The following AGO1 variants were observed in gnomAD, a reference collection of about 807,000 sequenced individuals.
AGO1 encodes the protein protein argonaute-1.
Under a neutral mutation model 109.2 loss-of-function variants are expected in AGO1, and 11 were observed. That is an observed-to-expected ratio of 0.10 (90% CI 0.06 to 0.17). AGO1 has a LOEUF of 0.17. AGO1 is among the 10% of genes least tolerant of loss of function. The pLI, the probability that AGO1 is intolerant of heterozygous loss-of-function variation, is 1.00. For synonymous variants in AGO1, 422 were observed against 418.6 expected, an observed-to-expected ratio of 1.01 and a Z score of -0.10; for missense variants, 574 against 1,140.3, an observed-to-expected ratio of 0.50 and a Z score of 7.15.
rs1219399290 is a variant in AGO1, at chr1:35,922,399, A to C, written c.*2792A>C. ...AGATGGAGAAGTGGTGTTGGCAGCA[A>C]GCTTTGGCTCATGTGGATTTGGTTT... On this transcript the variant is annotated 3_prime_UTR_variant, in exon 19 of 19. Coordinates refer to ENST00000373204, the MANE Select transcript of AGO1 (RefSeq NM_012199.5). 1 of 152,236 alleles carries C rather than the reference A, an allele frequency of 6.6e-6. No homozygotes were observed. The highest frequency in any genetic ancestry group is 1.5e-5 in the Non-Finnish European group (1 of 68,052). 9.4% of individuals were successfully genotyped at this position (152,236 alleles called of 1,614,324 possible). A position where few individuals can be genotyped will look rare whatever the true frequency, so the allele number is the denominator to read the frequency against.
Position 35,920,864 on chromosome 1 carries a change from A to T in AGO1, c.*1257A>T, listed in dbSNP as rs1172827157. On this transcript the variant is annotated 3_prime_UTR_variant, in exon 19 of 19. Coordinates refer to ENST00000373204, the MANE Select transcript of AGO1 (RefSeq NM_012199.5). Reference sequence around the variant, plus strand: ...GAAAAAAGAGAGAAAACAAAATGTTATTTTTATACCATAACTTGAGTGTAT... The same window carrying T: ...GAAAAAAGAGAGAAAACAAAATGTTTTTTTTATACCATAACTTGAGTGTAT... 3 of 152,622 alleles carry T rather than the reference A, an allele frequency of 2.0e-5. No homozygotes were observed. The highest frequency in any genetic ancestry group is 4.4e-5 in the Non-Finnish European group (3 of 68,020). The allele number at this position is 152,622 out of a possible 1,614,324, so 9.5% of individuals were successfully genotyped here.
Position 35,925,476 on chromosome 1 carries a change from T to C in AGO1, c.*5869T>C, listed in dbSNP as rs1006202972. ...AGCATACTATATTTATTTCCATAAT[T>C]TGTCTTCTTTAGAGCCTATGAACTC... On this transcript the variant is annotated 3_prime_UTR_variant, in exon 19 of 19. Coordinates refer to ENST00000373204, the MANE Select transcript of AGO1 (RefSeq NM_012199.5). 1 of 149,954 alleles carries C rather than the reference T, an allele frequency of 6.7e-6. No homozygotes were observed. The highest frequency in any genetic ancestry group is 2.5e-5 in the African/African-American group (1 of 40,524). The allele number at this position is 149,954 out of a possible 1,614,324, so 9.3% of individuals were successfully genotyped here.
intron 2 of AGO1, 83 bp from the exon 3 acceptor site, chr1:35,892,474 C>A: frequency 6.3e-7 from 1 of 1,581,590 alleles, no homozygotes; most frequent in Non-Finnish European, 8.7e-7. Context: ...ATAGATGGGA[C>A]ATTGCCTGGA....
chr1:35,906,059 T>G (rs1307223898), intron 11 of AGO1, among the ~76,000 whole-genome samples: 1 of 152,238 alleles, frequency 6.6e-6, no homozygotes, highest in African/African-American at 2.4e-5. Flanking sequence ...TCCTGCTGCT[T>G]ATTTCAGTTT....
chr1:35,917,759 C>T (rs778768305), intron 16 of AGO1, 32 bp downstream of exon 16: 2 of 1,602,874 alleles, frequency 1.2e-6, no homozygotes, highest in African/African-American at 2.7e-5. Flanking sequence ...CCCATCCCCT[C>T]CTTCTGTCTC....
At position 35,894,376 on chromosome 1, in the gene AGO1, T is replaced by C. The variant is rs551240186; in HGVS notation, c.846T>C (p.Val282=). ...QMKRKYRVCN[V]TRRPASHQTF... ...AGAGGAAGTACCGCGTGTGTAATGT[T>C]ACCCGTCGCCCTGCTAGCCATCAGA... is the stretch of plus-strand genomic sequence containing the variant. Residue 282 remains valine (V), a synonymous_variant, in exon 7 of 19, where the codon GTT becomes GTC. Transcript: ENST00000373204. The C allele has an allele frequency of 1.3e-4, 202 of 1,614,186 alleles. No individual in the cohort carries two copies. Among genetic ancestry groups the C allele is most frequent in the Non-Finnish European group, 1.7e-4 (197 of 1,180,020 alleles).
At chr1:35,912,842 G>A (rs922785000) in intron 12 of AGO1, among the ~76,000 whole-genome samples, 2 of 152,154 alleles carry the variant, frequency 1.3e-5, no homozygotes, top group African/African-American at 4.8e-5. Flanking sequence ...AAAGTGCTGG[G>A]ATTACAGGCG....
rs1645855424 is a variant in AGO1 at position 35,922,633 on chromosome 1, T to G, written c.*3026T>G. 1 of 153,372 alleles carries G rather than the reference T, an allele frequency of 6.5e-6. No homozygotes were observed. Among genetic ancestry groups the G allele is most frequent in the African/African-American group, 2.4e-5 (1 of 41,496 alleles). 9.5% of individuals were successfully genotyped at this position (153,372 alleles called of 1,614,324 possible). Reference sequence around the variant, plus strand: ...CTGCCTGCCTGCCTGCCTGCCTGTCTGCCTATGTGATGATGAAATCTCTGC... The same window carrying G: ...CTGCCTGCCTGCCTGCCTGCCTGTCGGCCTATGTGATGATGAAATCTCTGC... On this transcript the variant is annotated 3_prime_UTR_variant, in exon 19 of 19. Coordinates refer to ENST00000373204, the MANE Select transcript of AGO1 (RefSeq NM_012199.5).
chr1:35,905,571 A>G (rs1024027552), intron 11 of AGO1, among the ~76,000 whole-genome samples: 1 of 151,736 alleles, frequency 6.6e-6, no homozygotes, highest in African/African-American at 2.4e-5. Flanking sequence ...GTTTCATGTG[A>G]TTCTCCTGCC....
Position 35,925,822 on chromosome 1 carries a change from C to T in AGO1, c.*6215C>T, listed in dbSNP as rs1645916291. 2 of 152,178 alleles carry T rather than the reference C, an allele frequency of 1.3e-5. No individual in the cohort carries two copies. Among genetic ancestry groups the T allele is most frequent in the African/African-American group, 2.4e-5 (1 of 41,438 alleles). The allele number at this position is 152,178 out of a possible 1,614,324, so 9.4% of individuals were successfully genotyped here. On this transcript the variant is annotated 3_prime_UTR_variant, in exon 19 of 19. Coordinates refer to ENST00000373204, the MANE Select transcript of AGO1 (RefSeq NM_012199.5). ...AATTCTGGCATTCTTCCTGGTACTG[C>T]TAGAGCATTGTTATTTCTATGCATG...
rs780324190 is a variant in AGO1 at position 35,913,858 on chromosome 1, C to T, written c.1599C>T (p.Val533=). 2.4e-5 allele frequency: 39 copies of T among 1,613,680 alleles called. No homozygotes were observed. Among genetic ancestry groups the T allele is most frequent in the Admixed American group, 1.5e-4 (9 of 59,930 alleles). The change falls in exon 13 of 19, where the codon GTC becomes GTT. Residue 533 remains valine, a synonymous_variant. Coordinates refer to ENST00000373204, the MANE Select transcript of AGO1 (RefSeq NM_012199.5). ...KTPVYAEVKR[V]GDTLLGMATQ... Reference sequence around the variant, plus strand: ...TGCCCTTAGCTGAGGTGAAACGTGTCGGAGATACACTCTTGGGAATGGCTA... The same window carrying T: ...TGCCCTTAGCTGAGGTGAAACGTGTTGGAGATACACTCTTGGGAATGGCTA...
intron 1 of AGO1, among the ~76,000 whole-genome samples, chr1:35,872,162 A>G (rs1644957014): frequency 6.6e-6 from 1 of 150,722 alleles, no homozygotes; most frequent in Admixed American, 6.6e-5. Context: ...TTTTGTGGGA[A>G]GATTTTAAAC....
At chr1:35,895,395 C>T (rs1013376233) in intron 8 of AGO1, 126 bp downstream of exon 8, 8 of 1,093,244 alleles carry the variant, frequency 7.3e-6, no homozygotes, top group African/African-American at 6.5e-5. Flanking sequence ...AGGTAGTTCT[C>T]CTGTGAAATA....
At chr1:35,876,938 C>T (rs1041844486) in intron 1 of AGO1, among the ~76,000 whole-genome samples, 5 of 152,276 alleles carry the variant, frequency 3.3e-5, no homozygotes, top group Admixed American at 1.3e-4. Flanking sequence ...CAGGCATGCT[C>T]CTCCACACCT....
rs1434081353 is a variant in AGO1, at chr1:35,888,070, T to C, written c.26-357T>C. ...GAATAGAAATTCTTGGTCTGCTAGA[T>C]ACCTGGTGGAGGCAAGTGTCTTACT... On this transcript the variant is annotated intron_variant, in intron 1 of 18. Transcript: ENST00000373204. This position sits in a 1 kb window ranked among gnomAD's most constrained non-coding sequence, Gnocchi z 4.1. Among the ~76,000 whole-genome samples, 1 of 152,204 alleles carries C rather than the reference T, an allele frequency of 6.6e-6. No homozygotes were observed. Among genetic ancestry groups the C allele is most frequent in the Non-Finnish European group, 1.5e-5 (1 of 68,028 alleles).
At chr1:35,887,027 T>C (rs1376004241) in intron 1 of AGO1, among the ~76,000 whole-genome samples, 1 of 152,202 alleles carries the variant, frequency 6.6e-6, no homozygotes, top group Non-Finnish European at 1.5e-5. Flanking sequence ...TCCAGCACTT[T>C]CTGAGGTAGG....
At position 35,910,267 on chromosome 1, in the gene AGO1, A is replaced by G. The variant is rs372139431; in HGVS notation, c.1582+3148A>G. Among the ~76,000 whole-genome samples the G allele has an allele frequency of 9.2e-5, 14 of 151,804 alleles. No homozygotes were observed. The East Asian group carries it at 1.6e-3, about 17-fold the overall frequency. ...CTAGTGATGGTCAAAGCAAGGTCCC[A>G]TTGGCTTTTGGTTGCCCTGAGAGCG... is the stretch of plus-strand genomic sequence containing the variant. On this transcript the variant is annotated intron_variant, in intron 12 of 18. Coordinates refer to ENST00000373204, the MANE Select transcript of AGO1 (RefSeq NM_012199.5).
At chr1:35,910,526 A>G (rs1457793096) in intron 12 of AGO1, among the ~76,000 whole-genome samples, 1 of 152,148 alleles carries the variant, frequency 6.6e-6, no homozygotes, top group Non-Finnish European at 1.5e-5. Flanking sequence ...AGCCCCAGTC[A>G]CTACAACCTC....
chr1:35,899,205 T>A (rs1645373540), intron 8 of AGO1, among the ~76,000 whole-genome samples: 1 of 152,266 alleles, frequency 6.6e-6, no homozygotes, highest in Non-Finnish European at 1.5e-5. Flanking sequence ...ATCCGTGTTG[T>A]AGCATGTTAG....
Sources: allele counts gnomAD v4.1 joint callset (sites outside exome capture counted in the v4.1 genomes callset), GRCh38; gene constraint gnomAD v4.1.1; non-coding constraint Gnocchi (gnomAD v3.1); transcripts MANE v1.5; gene names NCBI Gene and HGNC (gene_info 2026-07-23, HGNC 2026-07-21).